Variants in RAMP1 observed in about 807,000 individuals in gnomAD.
RAMP1 encodes receptor activity modifying protein 1.
A neutral mutation model predicts 8.2 loss-of-function variants in RAMP1; 7 were observed. The observed-to-expected ratio is 0.85, with a 90% confidence interval of 0.49 to 1.60. The LOEUF (loss-of-function observed/expected upper bound fraction) is 1.60. Ranked by LOEUF, RAMP1 falls within the 40% of genes most tolerant of loss-of-function variation. The pLI is 0.00. For missense variants in RAMP1, 192 were observed against 202.4 expected (o/e 0.95, Z 0.31); for synonymous variants, 92 against 84.7 (o/e 1.09, Z -0.47).
intron 2 of RAMP1, among the ~76,000 whole-genome samples, chr2:237,889,086 A>T (rs1427664056): frequency 1.3e-5 from 2 of 152,338 alleles, no homozygotes; most frequent in East Asian, 1.9e-4. Context: ...AAGAATATAT[A>T]TATTAACTAT....
chr2:237,876,329 G>A (rs1305815837), intron 1 of RAMP1, among the ~76,000 whole-genome samples: 4 of 152,212 alleles, frequency 2.6e-5, no homozygotes, highest in Non-Finnish European at 2.9e-5. Context: ...GGGGCCAGGC[G>A]GTGGGCTGCA....
At chr2:237,874,114 C>T (rs182855146) in intron 1 of RAMP1, among the ~76,000 whole-genome samples, 41 of 152,322 alleles carry the variant, frequency 2.7e-4, no homozygotes, top group Non-Finnish European at 2.8e-4. Flanking sequence ...TCAAGGCCAC[C>T]GGACCAGCCC....
At chr2:237,899,830 C>T (rs1250256325) in intron 2 of RAMP1, among the ~76,000 whole-genome samples, 2 of 152,146 alleles carry the variant, frequency 1.3e-5, no homozygotes, top group Non-Finnish European at 2.9e-5. Context: ...GTAATCCCAG[C>T]ACTTTGGAAG....
At chr2:237,866,726 C>CT (rs202102249) in intron 1 of RAMP1, among the ~76,000 whole-genome samples, 112 of 146,998 alleles carry the variant, frequency 7.6e-4, no homozygotes, top group East Asian at 5.7e-3. Context: ...ATACTGTATT[C>CT]TTTTTTTTTT....
intron 2 of RAMP1, among the ~76,000 whole-genome samples, chr2:237,879,690 TA>T (rs201233396): frequency 1.2e-3 from 155 of 131,944 alleles, no homozygotes; most frequent in Non-Finnish European, 1.4e-3. Flanking sequence ...CTTAAAGTAT[TA>T]AAAAAAAAAA....
chr2:237,872,330 C>G (rs568309264), intron 1 of RAMP1, among the ~76,000 whole-genome samples: 1 of 152,324 alleles, frequency 6.6e-6, no homozygotes, highest in South Asian at 2.1e-4. Context: ...ATGATGGCCA[C>G]ACATCCACTC....
intron 2 of RAMP1, among the ~76,000 whole-genome samples, chr2:237,883,329 C>T (rs1430470805): frequency 6.6e-6 from 1 of 151,624 alleles, no homozygotes; most frequent in Non-Finnish European, 1.5e-5. Context: ...TTCCTATGAG[C>T]GACGTAGACA....
chr2:237,868,538 CTG>C (rs1232539746), intron 1 of RAMP1, among the ~76,000 whole-genome samples: 1 of 148,240 alleles, frequency 6.7e-6, no homozygotes. Context: ...AGTGGTTAAT[CTG>C]TGATTGGTCT....
rs374447270 is a variant in RAMP1, at chr2:237,873,427, G to A, written c.53-3797G>A. On this transcript the variant is annotated intron_variant, in intron 1 of 2. Coordinates refer to ENST00000254661, the MANE Select transcript of RAMP1 (RefSeq NM_005855.4). The stretch of plus-strand genomic sequence containing the variant: ...CCCCTGTGGGGGGCCCGGCTGCCCC[G>A]TCCTTCTGTCCCCACCCTGTCACTT... 9.8e-4 allele frequency among the ~76,000 whole-genome samples: 150 copies of A among 152,286 alleles called. 4 individuals carry two copies. The South Asian group carries it at 0.028, about 29-fold the overall frequency.
rs1401514540 is a variant in RAMP1, at chr2:237,878,139, G to A, written c.191+777G>A. ...TAGCGGGGTCAGCAGTGCATGCGTG[G>A]AGCTGAAGGCCACCGCCTCCCTGCC... is the stretch of plus-strand genomic sequence containing the variant. On this transcript the variant is annotated intron_variant, in intron 2 of 2. Transcript: ENST00000254661. This position sits in a 1 kb window ranked among gnomAD's most constrained non-coding sequence, Gnocchi z 5.7. 3.0e-6 allele frequency: 3 copies of A among 985,350 alleles called. No homozygotes were observed. The highest frequency in any genetic ancestry group is 3.6e-6 in the Non-Finnish European group (3 of 829,946). The allele number at this position is 985,350 out of a possible 1,614,324, so 61.0% of individuals were successfully genotyped here.
At chr2:237,875,735 G>A (rs2062296659) in intron 1 of RAMP1, among the ~76,000 whole-genome samples, 1 of 152,158 alleles carries the variant, frequency 6.6e-6, no homozygotes, top group East Asian at 1.9e-4. Flanking sequence ...GCTCTCTCTA[G>A]CAGCTGTGGG....
chr2:237,871,002 T>C (rs1436746075), intron 1 of RAMP1, among the ~76,000 whole-genome samples: 6 of 152,152 alleles, frequency 3.9e-5, no homozygotes. Context: ...CAAAATCAGA[T>C]GACAGGTGGA....
At position 237,865,487 on chromosome 2, in the gene RAMP1, A is replaced by G. The variant is rs10172504; in HGVS notation, c.52+5760A>G. On this transcript the variant is annotated intron_variant, in intron 1 of 2. Transcript: ENST00000254661. The surrounding 1 kb of genome is among the most constrained non-coding windows in gnomAD (Gnocchi z 4.2). ...GCCTGTCTCATACAGTATCGGGAAC[A>G]TGCCTCAAAAACCACCGTTTCTCTG... Among the ~76,000 whole-genome samples the G allele has an allele frequency of 0.18, 27,330 of 152,034 alleles. 2,827 individuals carry two copies. The highest frequency in any genetic ancestry group is 0.28 in the Middle Eastern group (83 of 294).
rs952049700 is a variant in RAMP1, at chr2:237,874,552, GTTCATC to G, written c.53-2666_53-2661del. On this transcript the variant is annotated intron_variant, in intron 1 of 2. Transcript: ENST00000254661. ...TCCCGACTGAGGCACAGACATGCCT[GTTCATC>G]TTCATTTGTCCTAGAAGCGGCTCTT... The G allele has an allele frequency of 1.2e-5, 7 of 575,424 alleles. No homozygotes were observed. The African/African-American group carries it at 1.4e-4, about 12-fold the overall frequency. The allele number at this position is 575,424 out of a possible 1,614,324, so 35.6% of individuals were successfully genotyped here. A position where few individuals can be genotyped will look rare whatever the true frequency, so the allele number is the denominator to read the frequency against.
At chr2:237,905,738 C>G (rs946638317) in intron 2 of RAMP1, among the ~76,000 whole-genome samples, 3 of 152,142 alleles carry the variant, frequency 2.0e-5, no homozygotes, top group African/African-American at 7.2e-5. Context: ...TGGTCAGATG[C>G]AGTGGCTCAC....
chr2:237,911,444 G>A (rs2062711134), intron 2 of RAMP1, 84 bp from the exon 3 acceptor site: 1 of 1,541,008 alleles, frequency 6.5e-7, no homozygotes. Context: ...TGCATGAGGG[G>A]CCACGGTGCA....
intron 1 of RAMP1, among the ~76,000 whole-genome samples, chr2:237,868,906 G>A (rs1252532520): frequency 6.6e-6 from 1 of 152,188 alleles, no homozygotes; most frequent in Non-Finnish European, 1.5e-5. Context: ...GTGGTCGGGG[G>A]CAGAGCGGGA....
intron 2 of RAMP1, among the ~76,000 whole-genome samples, chr2:237,896,961 G>A (rs1047253950): frequency 6.6e-6 from 1 of 152,124 alleles, no homozygotes; most frequent in Admixed American, 6.5e-5. Flanking sequence ...TTAGACTTTT[G>A]GACAGCAGAG....
chr2:237,910,102 CCCTGT>C (rs1162698848), intron 2 of RAMP1, among the ~76,000 whole-genome samples: 1 of 152,082 alleles, frequency 6.6e-6, no homozygotes, highest in Non-Finnish European at 1.5e-5. Flanking sequence ...GGGTCAGAGG[CCCTGT>C]GGTGAAGTCC....
Sources: allele counts gnomAD v4.1 joint callset (sites outside exome capture counted in the v4.1 genomes callset), GRCh38; gene constraint gnomAD v4.1.1; non-coding constraint Gnocchi (gnomAD v3.1); transcripts MANE v1.5; gene names NCBI Gene and HGNC (gene_info 2026-07-23, HGNC 2026-07-21).